Variants in HRH4 observed in about 807,000 individuals in gnomAD.
HRH4 encodes histamine H4 receptor.
Under a neutral mutation model 10.4 loss-of-function variants are expected in HRH4, and 12 were observed. That is an observed-to-expected ratio of 1.15 (90% confidence interval 0.74 to 1.87). The LOEUF (loss-of-function observed/expected upper bound fraction) is 1.87. Ranked by LOEUF, HRH4 falls within the 40% of genes most tolerant of loss-of-function variation. HRH4 has a pLI of 0.00. For synonymous variants in HRH4, 154 were observed against 166.6 expected, an observed-to-expected ratio of 0.92 and a Z score of 0.58; for missense variants, 415 against 453.3, an observed-to-expected ratio of 0.92 and a Z score of 0.77.
Position 24,460,774 on chromosome 18 carries a change from G to A in HRH4, c.46G>A (p.Val16Ile). 1 of 1,543,072 alleles carries A rather than the reference G, an allele frequency of 6.5e-7. No individual in the cohort carries two copies. The highest frequency in any genetic ancestry group is 8.8e-7 in the Non-Finnish European group (1 of 1,132,136). Residue 16 changes from valine to isoleucine, a missense_variant, in exon 1 of 3, where the codon GTT (valine) becomes ATT (isoleucine). Coordinates refer to ENST00000256906, the MANE Select transcript of HRH4 (RefSeq NM_021624.4). ...STINLSLSTR[V>I]TLAFFMSLVA... is the part of the protein sequence containing the mutation. ...AATCAATTTATCACTAAGCACTCGT[G>A]TTACTTTAGCATTTTTTATGTCCTT...
chr18:24,465,647 T>G (rs1235850956), intron 1 of HRH4, among the ~76,000 whole-genome samples: 1 of 152,148 alleles, frequency 6.6e-6, no homozygotes, highest in Admixed American at 6.5e-5. Context: ...TCCGTTTTTT[T>G]GCAACTCGTT....
In HRH4 at chr18:24,477,551, G is replaced by A. The variant is rs1910180169; in HGVS notation, c.1162G>A (p.Val388Ile). The A allele has an allele frequency of 1.3e-6, 2 of 1,564,142 alleles. No homozygotes were observed. Among genetic ancestry groups the A allele is most frequent in the African/African-American group, 1.4e-5 (1 of 72,632 alleles). The change falls in exon 3 of 3, where the codon GTA becomes ATA. Residue 388 changes from valine to isoleucine, a missense_variant. Val to Ile is a conservative substitution (Grantham distance 29, BLOSUM62 3). Coordinates refer to ENST00000256906, the MANE Select transcript of HRH4 (RefSeq NM_021624.4). ...TCTACCATCACAACACAGTCGGTCAGTATCTTCTTAAAGACAATTTTCTCA... is the reference window on the plus strand; with the variant it reads ...TCTACCATCACAACACAGTCGGTCAATATCTTCTTAAAGACAATTTTCTCA... ...QPLPSQHSRSVSS is the reference protein window; with the variant it reads ...QPLPSQHSRSISS
chr18:24,467,121 T>C (rs1381436535), intron 1 of HRH4, among the ~76,000 whole-genome samples: 1 of 152,256 alleles, frequency 6.6e-6, no homozygotes, highest in East Asian at 1.9e-4. Flanking sequence ...CTTTAGGTTC[T>C]TTAACTGTTA....
chr18:24,467,919 T>C (rs1909821398), intron 1 of HRH4, among the ~76,000 whole-genome samples: 1 of 152,056 alleles, frequency 6.6e-6, no homozygotes, highest in Non-Finnish European at 1.5e-5. Flanking sequence ...AAAAGAGATG[T>C]GAAAATGTGC....
At chr18:24,470,499 C>CTTTTTTT (rs1435856728) in intron 2 of HRH4, among the ~76,000 whole-genome samples, 3 of 43,706 alleles carry the variant, frequency 6.9e-5, no homozygotes, top group African/African-American at 1.1e-4. Flanking sequence ...ATTTGTTTCT[C>CTTTTTTT]TATTTTTTTT....
chr18:24,471,004 A>G (rs984619898), intron 2 of HRH4, among the ~76,000 whole-genome samples: 1 of 151,284 alleles, frequency 6.6e-6, no homozygotes. Context: ...ACTTAGTCAC[A>G]TGGTCCCATC....
chr18:24,473,175 G>A (rs1910027107), intron 2 of HRH4, among the ~76,000 whole-genome samples: 1 of 151,874 alleles, frequency 6.6e-6, no homozygotes, highest in Non-Finnish European at 1.5e-5. Flanking sequence ...GTACAAAAAA[G>A]TATACAGAAT....
chr18:24,476,578 G>T lies in HRH4; in HGVS notation c.358-169G>T, dbSNP rs190988764. On this transcript the variant is annotated intron_variant, in intron 2 of 2. Transcript: ENST00000256906. ...AACCATTAAGAAAGTCTGCCTCTTG[G>T]TCCAGGCTTCACTGAAGTCAAACCC... Among the ~76,000 whole-genome samples the T allele has an allele frequency of 2.8e-3, 430 of 152,260 alleles. 1 individual carries two copies. The highest frequency in any genetic ancestry group is 9.6e-3 in the African/African-American group (397 of 41,540).
chr18:24,478,022 AG>A lies in HRH4; in HGVS notation c.*463del, dbSNP rs1289619844. On this transcript the variant is annotated 3_prime_UTR_variant, in exon 3 of 3. Transcript: ENST00000256906. ...AGGTAGGGTTTGAGTTGGCAAGAGC[AG>A]GGAACGGGCATGTGCCCAGGTGAGC... The A allele has an allele frequency of 6.5e-6, 1 of 154,140 alleles. No homozygotes were observed. Among genetic ancestry groups the A allele is most frequent in the Non-Finnish European group, 1.4e-5 (1 of 69,450 alleles). 9.5% of individuals were successfully genotyped at this position (154,140 alleles called of 1,614,324 possible). A position where few individuals can be genotyped will look rare whatever the true frequency, so the allele number is the denominator to read the frequency against.
At position 24,472,921 on chromosome 18, in the gene HRH4, G is replaced by A. The variant is rs374614916; in HGVS notation, c.358-3826G>A. Among the ~76,000 whole-genome samples, 12 of 152,256 alleles carry A rather than the reference G, an allele frequency of 7.9e-5. No individual in the cohort carries two copies. In the East Asian group the frequency reaches 1.2e-3, roughly 15 times the overall value. The stretch of plus-strand genomic sequence containing the variant: ...TGTAATCCCAGGGCTTTGGAAGGCC[G>A]AGGCTGGCAGATCACTTGAGGTTAG... On this transcript the variant is annotated intron_variant, in intron 2 of 2. Coordinates refer to ENST00000256906, the MANE Select transcript of HRH4 (RefSeq NM_021624.4).
At chr18:24,470,532 C>T (rs1427950262) in intron 2 of HRH4, among the ~76,000 whole-genome samples, 1 of 119,476 alleles carries the variant, frequency 8.4e-6, no homozygotes, top group Non-Finnish European at 1.7e-5. Context: ...GAGACAGGGT[C>T]TCACTGTGTC....
intron 2 of HRH4, among the ~76,000 whole-genome samples, chr18:24,474,694 T>C (rs912272591): frequency 7.6e-4 from 56 of 73,780 alleles, no homozygotes; most frequent in Non-Finnish European, 9.4e-4. Context: ...GGAACCTTAC[T>C]GATTTTTTTT....
At chr18:24,468,338 G>A (rs187121634) in intron 1 of HRH4, among the ~76,000 whole-genome samples, 5 of 152,210 alleles carry the variant, frequency 3.3e-5, no homozygotes, top group African/African-American at 9.6e-5. Flanking sequence ...TACCACGCCC[G>A]GCCCCTCCCG....
At chr18:24,472,803 T>C (rs901978184) in intron 2 of HRH4, among the ~76,000 whole-genome samples, 4 of 151,602 alleles carry the variant, frequency 2.6e-5, no homozygotes, top group Admixed American at 1.3e-4. Context: ...GAAGTCAGAG[T>C]TGGGTGGGGA....
intron 2 of HRH4, among the ~76,000 whole-genome samples, chr18:24,471,749 A>G (rs1909969912): frequency 6.6e-6 from 1 of 152,122 alleles, no homozygotes. Context: ...GATATACAAT[A>G]TAATTTTACT....
In HRH4 at chr18:24,479,524, C is replaced by G. The variant is rs1910250987; in HGVS notation, c.*1962C>G. 6.6e-6 allele frequency: 1 copy of G among 152,248 alleles called. No individual in the cohort carries two copies. Among genetic ancestry groups the G allele is most frequent in the Non-Finnish European group, 1.5e-5 (1 of 68,050 alleles). The allele number at this position is 152,248 out of a possible 1,614,324, so 9.4% of individuals were successfully genotyped here. A position where few individuals can be genotyped will look rare whatever the true frequency, so the allele number is the denominator to read the frequency against. ...AGTGCAGTGGCATGCTCTCAGCTCA[C>G]TGCAGCCCTGACTGCCTAGGCTCCA... On this transcript the variant is annotated 3_prime_UTR_variant, in exon 3 of 3. Transcript: ENST00000256906.
chr18:24,477,417 C>T lies in HRH4; in HGVS notation c.1028C>T (p.Ala343Val). ...TGPKSVWYRIAFWLQWFNSFV... is the reference protein window; with the variant it reads ...TGPKSVWYRIVFWLQWFNSFV... ...CCTAAATCAGTTTGGTATAGAATTG[C>T]ATTTTGGCTTCAGTGGTTCAATTCC... The change falls in exon 3 of 3, where the codon GCA becomes GTA. Residue 343 changes from alanine (A) to valine (V), a missense_variant. Coordinates refer to ENST00000256906, the MANE Select transcript of HRH4 (RefSeq NM_021624.4). The T allele has an allele frequency of 6.2e-7, 1 of 1,614,150 alleles. No homozygotes were observed. The highest frequency in any genetic ancestry group is 2.2e-5 in the East Asian group (1 of 44,876).
Position 24,477,156 on chromosome 18 carries a change from A to C in HRH4, c.767A>C (p.Lys256Thr). ...ASFHSERQRR[K>T]SSLMFSSRTK... is the part of the protein sequence containing the mutation. ...TTTCATTCAGAGAGACAGAGGAGAA[A>C]GAGTAGTCTCATGTTTTCCTCAAGA... Residue 256 changes from lysine (K) to threonine (T), a missense_variant, in exon 3 of 3, where the codon AAG becomes ACG. Physicochemically the swap from Lys to Thr is moderately conservative, Grantham distance 78. Coordinates refer to ENST00000256906, the MANE Select transcript of HRH4 (RefSeq NM_021624.4). The C allele has an allele frequency of 1.2e-6, 2 of 1,614,218 alleles. No homozygotes were observed. The highest frequency in any genetic ancestry group is 2.2e-5 in the South Asian group (2 of 91,092).
chr18:24,477,359 A>G lies in HRH4; in HGVS notation c.970A>G (p.Ile324Val). 1.2e-6 allele frequency: 2 copies of G among 1,613,940 alleles called. No individual in the cohort carries two copies. Among genetic ancestry groups the G allele is most frequent in the Non-Finnish European group, 1.7e-6 (2 of 1,179,880 alleles). Reference sequence around the variant, plus strand: ...CTGGGCTCCATATTCTCTGTTCACAATTGTCCTTTCATTTTATTCCTCAGC... The same window carrying G: ...CTGGGCTCCATATTCTCTGTTCACAGTTGTCCTTTCATTTTATTCCTCAGC... ...VCWAPYSLFT[I>V]VLSFYSSATG... is the part of the protein sequence containing the mutation. Residue 324 changes from isoleucine to valine, a missense_variant, in exon 3 of 3, where the codon ATT (isoleucine) becomes GTT (valine). Transcript: ENST00000256906.
Sources: gnomAD v4.1 joint callset for allele counts (sites outside exome capture counted in the v4.1 genomes callset) on GRCh38, gnomAD v4.1.1 for gene constraint, MANE v1.5 for transcripts, NCBI Gene and HGNC (gene_info 2026-07-23, HGNC 2026-07-21) for gene names.